Variants in PCED1B observed in about 807,000 individuals in gnomAD.
PCED1B encodes PC-esterase domain containing 1B.
For missense variants in PCED1B, 573 were observed against 573.9 expected, an observed-to-expected ratio of 1.00 and a Z score of 0.02; for synonymous variants, 251 against 246.1, an observed-to-expected ratio of 1.02 and a Z score of -0.19.
intron 3 of PCED1B, among the ~76,000 whole-genome samples, chr12:47,221,948 T>C (rs1218806617): frequency 6.6e-6 from 1 of 150,946 alleles, no homozygotes; most frequent in African/African-American, 2.4e-5. Context: ...CAAAAAATTT[T>C]AAAAAATTAG....
intron 2 of PCED1B, among the ~76,000 whole-genome samples, chr12:47,142,623 T>C (rs991329348): frequency 2.7e-5 from 4 of 150,700 alleles, no homozygotes; most frequent in African/African-American, 9.8e-5. Flanking sequence ...ATAAAAAACA[T>C]AGAAAAGAAC....
At chr12:47,090,901 A>T (rs1372311652) in intron 1 of PCED1B, among the ~76,000 whole-genome samples, 1 of 150,356 alleles carries the variant, frequency 6.7e-6, no homozygotes, top group African/African-American at 2.5e-5. Flanking sequence ...TGTTCCAAAA[A>T]TTGGAACAAC....
At chr12:47,195,053 C>T (rs549238785) in intron 2 of PCED1B, among the ~76,000 whole-genome samples, 118 of 151,998 alleles carry the variant, frequency 7.8e-4, no homozygotes, top group African/African-American at 1.7e-4. Context: ...AAAAGTAGGC[C>T]GGGCGCGGTG....
chr12:47,129,743 G>A (rs561262979), intron 2 of PCED1B, among the ~76,000 whole-genome samples: 17 of 152,224 alleles, frequency 1.1e-4, no homozygotes, highest in African/African-American at 2.9e-4. Context: ...CTATAGTGGC[G>A]GAATCACAAG....
In PCED1B at chr12:47,131,673, C is replaced by CTTTTTTTTTTTTTTTTTTTTTTTTTTT. The variant is rs760678015; in HGVS notation, c.-526+27492_-526+27493insTTTTTTTTTTTTTTTTTTTTTTTTTTT. ...CTGACACTATTGTCATGTTTTACTT[C>CTTTTTTTTTTTTTTTTTTTTTTTTTTT]TTTTTTTTTTTTTTGAGAAGGAGTC... On this transcript the variant is annotated intron_variant, in intron 2 of 3. Transcript: ENST00000546455. Among the ~76,000 whole-genome samples, 67 of 127,980 alleles carry CTTTTTTTTTTTTTTTTTTTTTTTTTTT rather than the reference C, an allele frequency of 5.2e-4. 5 individuals are homozygous for CTTTTTTTTTTTTTTTTTTTTTTTTTTT. Among genetic ancestry groups the CTTTTTTTTTTTTTTTTTTTTTTTTTTT allele is most frequent in the African/African-American group, 2.2e-3 (62 of 27,924 alleles). The allele number at this position is 127,980 out of a possible 152,430, so 84.0% of individuals were successfully genotyped here.
At chr12:47,158,576 C>T (rs1941270233) in intron 2 of PCED1B, among the ~76,000 whole-genome samples, 2 of 152,058 alleles carry the variant, frequency 1.3e-5, no homozygotes, top group Admixed American at 6.6e-5. Flanking sequence ...ATATCATTTG[C>T]AAATATTTTC....
intron 2 of PCED1B, among the ~76,000 whole-genome samples, chr12:47,154,893 T>C (rs1267672279): frequency 6.6e-6 from 1 of 152,122 alleles, no homozygotes; most frequent in Non-Finnish European, 1.5e-5. Context: ...CATTACTTTC[T>C]TGCCTGGTTC....
At chr12:47,217,346 C>T (rs998872826) in intron 3 of PCED1B, among the ~76,000 whole-genome samples, 2 of 148,878 alleles carry the variant, frequency 1.3e-5, no homozygotes, top group Non-Finnish European at 3.0e-5. Context: ...CTGCAGTGAG[C>T]CATGATTTCG....
At position 47,081,393 on chromosome 12, in the gene PCED1B, A is replaced by G. The variant is rs142713062; in HGVS notation, c.-609+1668A>G. 2.5e-3 allele frequency among the ~76,000 whole-genome samples: 388 copies of G among 152,368 alleles called. 2 individuals carry two copies. Among genetic ancestry groups the G allele is most frequent in the African/African-American group, 9.0e-3 (373 of 41,580 alleles). On this transcript the variant is annotated intron_variant, in intron 1 of 3. Coordinates refer to ENST00000546455, the MANE Select transcript of PCED1B (RefSeq NM_138371.3). ...CCGTGAGTCATTGCTGTGGTCAGGC[A>G]GATTTGTTAGACCAACACCTAATTT...
chr12:47,207,566 A>C (rs1440726213), intron 2 of PCED1B, among the ~76,000 whole-genome samples: 1 of 152,226 alleles, frequency 6.6e-6, no homozygotes, highest in African/African-American at 2.4e-5. Flanking sequence ...CTTTTCTCTT[A>C]GCATGGGTGA....
intron 2 of PCED1B, among the ~76,000 whole-genome samples, chr12:47,208,041 T>C (rs1049962735): frequency 6.6e-6 from 1 of 152,222 alleles, no homozygotes; most frequent in Middle Eastern, 3.4e-3. Flanking sequence ...GTTTTTTTTT[T>C]CTTTTTTTCC....
At chr12:47,163,828 A>G (rs759940990) in intron 2 of PCED1B, among the ~76,000 whole-genome samples, 5 of 152,208 alleles carry the variant, frequency 3.3e-5, no homozygotes, top group Admixed American at 6.5e-5. Flanking sequence ...GTGAGGCTAC[A>G]TTCTGGCTAA....
chr12:47,196,113 T>C (rs1027283267), intron 2 of PCED1B, among the ~76,000 whole-genome samples: 5 of 152,238 alleles, frequency 3.3e-5, no homozygotes, highest in African/African-American at 1.2e-4. Flanking sequence ...TGTTACAAAA[T>C]TTGAATATAT....
intron 2 of PCED1B, among the ~76,000 whole-genome samples, chr12:47,145,442 T>C (rs1443628577): frequency 6.6e-6 from 1 of 152,210 alleles, no homozygotes; most frequent in East Asian, 1.9e-4. Context: ...ATTTTCAGTG[T>C]AGACAAAACA....
rs544742375 is a variant in PCED1B at position 47,114,581 on chromosome 12, G to A, written c.-526+10386G>A. Among the ~76,000 whole-genome samples, 53 of 152,240 alleles carry A rather than the reference G, an allele frequency of 3.5e-4. 2 individuals carry two copies. In the South Asian group the frequency reaches 4.4e-3, roughly 13 times the overall value. On this transcript the variant is annotated intron_variant, in intron 2 of 3. Transcript: ENST00000546455. ...AATTCTGGTTCAAAATTACATTGCC[G>A]TTGTTTAGAGGAGGCTGCCTCCCCA...
intron 1 of PCED1B, among the ~76,000 whole-genome samples, chr12:47,083,767 G>A (rs886607163): frequency 6.6e-6 from 1 of 152,154 alleles, no homozygotes; most frequent in Non-Finnish European, 1.5e-5. Flanking sequence ...GAAATGGGGG[G>A]ATAGAATGGG....
At chr12:47,197,012 T>C (rs1456802159) in intron 2 of PCED1B, among the ~76,000 whole-genome samples, 1 of 150,748 alleles carries the variant, frequency 6.6e-6, no homozygotes, top group Non-Finnish European at 1.5e-5. Flanking sequence ...AAATTGGCAG[T>C]TTATTTAAAA....
intron 2 of PCED1B, chr12:47,209,870 A>AG (rs1352427650): frequency 6.6e-6 from 1 of 152,296 alleles, no homozygotes; most frequent in African/African-American, 2.4e-5. Context: ...TAGAGAACGG[A>AG]TTGGAAGAAG....
intron 2 of PCED1B, among the ~76,000 whole-genome samples, chr12:47,183,241 T>C (rs1942152533): frequency 6.6e-6 from 1 of 152,226 alleles, no homozygotes; most frequent in Non-Finnish European, 1.5e-5. Flanking sequence ...ATAGTGATTA[T>C]ATATAGGTAA....
Sources: allele counts gnomAD v4.1 joint callset (sites outside exome capture counted in the v4.1 genomes callset), GRCh38; gene constraint gnomAD v4.1.1; transcripts MANE v1.5; gene names NCBI Gene and HGNC (gene_info 2026-07-23, HGNC 2026-07-21).